Variants in MICU2 observed in about 807,000 individuals in gnomAD.
MICU2 encodes mitochondrial calcium uptake 2.
In MICU2, 64 loss-of-function variants were observed where a neutral mutation model predicts 60.4. That is an observed-to-expected ratio of 1.06 (90% confidence interval 0.87 to 1.31). MICU2 has a LOEUF of 1.31. Among genes scored for constraint, MICU2 ranks in the 50% most tolerant of loss-of-function variants. MICU2 has a pLI of 0.00. For missense variants in MICU2, 569 were observed against 531.0 expected (o/e 1.07, Z -0.70); for synonymous variants, 201 against 175.0 (o/e 1.15, Z -1.17).
chr13:21,587,458 C>G (rs9552454), intron 1 of MICU2, among the ~76,000 whole-genome samples: 25,954 of 152,154 alleles, frequency 0.17, 3,646 homozygotes, highest in East Asian at 0.66. Context: ...CTGAAAAGGA[C>G]ACAGCATGGC....
chr13:21,546,811 AT>A (rs1301059923), intron 2 of MICU2, among the ~76,000 whole-genome samples: 1 of 152,238 alleles, frequency 6.6e-6, no homozygotes, highest in Non-Finnish European at 1.5e-5. Flanking sequence ...ATTTAAAAAA[AT>A]ACAACTGATT....
chr13:21,495,042 T>A lies in MICU2; in HGVS notation c.1200+119A>T, dbSNP rs112720093. The A allele has an allele frequency of 7.2e-5, 46 of 638,752 alleles. 1 individual carries two copies. Among genetic ancestry groups the A allele is most frequent in the African/African-American group, 5.5e-4 (30 of 54,444 alleles). The allele number at this position is 638,752 out of a possible 1,614,324, so 39.6% of individuals were successfully genotyped here. A position where few individuals can be genotyped will look rare whatever the true frequency, so the allele number is the denominator to read the frequency against. On this transcript the variant is annotated intron_variant, in intron 11 of 11. Transcript: ENST00000382374. ...TATATTTCTGTATTTCAATTACAGC[T>A]TATAGTCTTTTTATAAGTGATGAAA...
intron 2 of MICU2, among the ~76,000 whole-genome samples, chr13:21,548,978 G>C (rs1887482293): frequency 7.0e-6 from 1 of 143,486 alleles, no homozygotes; most frequent in Non-Finnish European, 1.5e-5. Flanking sequence ...CCAGGCTGGA[G>C]TGCAGTGGCA....
intron 4 of MICU2, among the ~76,000 whole-genome samples, chr13:21,534,321 TCAGC>T (rs1355626328): frequency 6.6e-6 from 1 of 151,964 alleles, no homozygotes; most frequent in Non-Finnish European, 1.5e-5. Context: ...CTCTCCCACC[TCAGC>T]CTCCCAAATA....
chr13:21,497,995 TCCTC>T (rs1454738251), intron 9 of MICU2, among the ~76,000 whole-genome samples: 1 of 152,136 alleles, frequency 6.6e-6, no homozygotes, highest in Non-Finnish European at 1.5e-5. Flanking sequence ...GCTCAAGTGA[TCCTC>T]CCACCTTAGC....
chr13:21,495,149 A>T lies in MICU2; in HGVS notation c.1200+12T>A. ...CAATGTAAACATGTATTATATAAAA[A>T]AAATCTGTTACCCATAAACCTCGAT... On this transcript the variant is annotated intron_variant, in intron 11 of 11. Transcript: ENST00000382374. The T allele has an allele frequency of 6.3e-7, 1 of 1,586,834 alleles. No individual in the cohort carries two copies. Among genetic ancestry groups the T allele is most frequent in the South Asian group, 1.2e-5 (1 of 86,590 alleles).
At chr13:21,508,419 C>T (rs1263906563) in intron 8 of MICU2, among the ~76,000 whole-genome samples, 4 of 152,182 alleles carry the variant, frequency 2.6e-5, no homozygotes, top group Non-Finnish European at 4.4e-5. Context: ...CCACCACACC[C>T]GGCCCAAGGC....
At chr13:21,510,301 G>A (rs749186759) in intron 7 of MICU2, among the ~76,000 whole-genome samples, 200 bp from the exon 8 acceptor site, 67 of 152,108 alleles carry the variant, frequency 4.4e-4, no homozygotes, top group Non-Finnish European at 2.2e-4. Flanking sequence ...GTTCAAGTAG[G>A]CAATAAACAA....
chr13:21,593,227 C>A (rs190807597), intron 1 of MICU2, among the ~76,000 whole-genome samples: 1 of 151,930 alleles, frequency 6.6e-6, no homozygotes, highest in Non-Finnish European at 1.5e-5. Flanking sequence ...GATAGGCAAG[C>A]AGAGAGCCAA....
chr13:21,517,952 G>T (rs1164157408), intron 6 of MICU2, among the ~76,000 whole-genome samples: 4 of 152,060 alleles, frequency 2.6e-5, no homozygotes, highest in Non-Finnish European at 5.9e-5. Context: ...CGCTCTATGG[G>T]TAATCAACTT....
intron 1 of MICU2, among the ~76,000 whole-genome samples, chr13:21,568,703 T>C (rs1033246624): frequency 6.6e-5 from 10 of 152,304 alleles, no homozygotes; most frequent in African/African-American, 2.4e-4. Flanking sequence ...ATTAACTCTA[T>C]GTTTCTTCTG....
chr13:21,589,563 T>C (rs539347337), intron 1 of MICU2, among the ~76,000 whole-genome samples: 1 of 152,262 alleles, frequency 6.6e-6, no homozygotes, highest in Non-Finnish European at 1.5e-5. Flanking sequence ...TATGTCAGTA[T>C]GTTCAATTCT....
intron 2 of MICU2, among the ~76,000 whole-genome samples, chr13:21,565,645 G>A (rs1458337720): frequency 6.6e-5 from 10 of 150,692 alleles, no homozygotes; most frequent in African/African-American, 2.0e-4. Flanking sequence ...GCGACAGAGC[G>A]AGACTCCGTC....
chr13:21,538,277 TA>T (rs1017120069), intron 4 of MICU2, among the ~76,000 whole-genome samples: 92 of 147,524 alleles, frequency 6.2e-4, no homozygotes, highest in African/African-American at 2.0e-3. Flanking sequence ...TCAAAAATAT[TA>T]AAAAAAAAAG....
chr13:21,531,234 A>C, intron 4 of MICU2: 1 of 1,123,692 alleles, frequency 8.9e-7, no homozygotes, highest in Non-Finnish European at 1.4e-6. Context: ...AGAAAAGGAC[A>C]CTATAAGAAA....
Position 21,571,035 on chromosome 13 carries a change from C to T in MICU2, c.211-4091G>A, listed in dbSNP as rs529766211. On this transcript the variant is annotated intron_variant, in intron 1 of 11. Coordinates refer to ENST00000382374, the MANE Select transcript of MICU2 (RefSeq NM_152726.3). ...TCTTCCTTCCTTCCGTGTGCTTTTC[C>T]TGGTAACGTGTGCGTGCTCTCTCTT... 2.6e-5 allele frequency among the ~76,000 whole-genome samples: 4 copies of T among 152,028 alleles called. No homozygotes were observed. In the East Asian group the frequency reaches 7.7e-4, roughly 29 times the overall value.
chr13:21,597,976 GA>G (rs1888732651), intron 1 of MICU2, among the ~76,000 whole-genome samples: 1 of 146,350 alleles, frequency 6.8e-6, no homozygotes, highest in African/African-American at 2.5e-5. Context: ...TAAGTACTAT[GA>G]AAGAAAAAAA....
rs187561893 is a variant in MICU2, at chr13:21,532,558, T to G, written c.466+6744A>C. ...ACTCACCCCACTAGAATGATCTAAT[T>G]GTTTGCTTCCCCAGCTTAGGTGGTT... On this transcript the variant is annotated intron_variant, in intron 4 of 11. Transcript: ENST00000382374. Among the ~76,000 whole-genome samples the G allele has an allele frequency of 3.4e-3, 511 of 152,308 alleles. 4 individuals carry two copies. The highest frequency in any genetic ancestry group is 4.8e-3 in the Non-Finnish European group (328 of 68,030).
At chr13:21,548,333 A>C (rs1887463007) in intron 2 of MICU2, among the ~76,000 whole-genome samples, 2 of 152,214 alleles carry the variant, frequency 1.3e-5, no homozygotes, top group African/African-American at 4.8e-5. Flanking sequence ...TTAGTTTCTA[A>C]TATGAACATA....
Sources: allele counts gnomAD v4.1 joint callset (sites outside exome capture counted in the v4.1 genomes callset), GRCh38; gene constraint gnomAD v4.1.1; transcripts MANE v1.5; gene names NCBI Gene and HGNC (gene_info 2026-07-23, HGNC 2026-07-21).